The following FAM120B variants were observed in gnomAD, a reference collection of about 807,000 sequenced individuals.
The protein encoded by FAM120B is constitutive coactivator of peroxisome proliferator-activated receptor gamma.
FAM120B carries 83 observed loss-of-function variants against 96.3 expected under a neutral mutation model. The ratio of observed to expected loss-of-function variants is 0.86; its 90% confidence interval spans 0.72 to 1.03. FAM120B has a LOEUF of 1.03. Ranked by LOEUF, FAM120B falls within the 50% of genes least tolerant of loss-of-function variation. The pLI is 0.00. For missense variants in FAM120B, 1,027 were observed against 1,121.2 expected (o/e 0.92, Z 1.20); for synonymous variants, 407 against 402.7 (o/e 1.01, Z -0.13).
chr6:170,360,121 CT>C (rs1453611657), intron 6 of FAM120B, among the ~76,000 whole-genome samples: 1 of 152,238 alleles, frequency 6.6e-6, no homozygotes, highest in East Asian at 1.9e-4. Context: ...ACCCTGGGTC[CT>C]GTTCTCTGGT....
chr6:170,294,295 A>G (rs1280724618), upstream of FAM120B, among the ~76,000 whole-genome samples: 1 of 152,212 alleles, frequency 6.6e-6, no homozygotes, highest in Admixed American at 6.5e-5. This position sits in a 1 kb window ranked among gnomAD's most constrained non-coding sequence, Gnocchi z 7.9. Flanking sequence ...TTACTGTACA[A>G]AGTGAGGCTC....
intron 6 of FAM120B, among the ~76,000 whole-genome samples, chr6:170,383,975 T>C (rs1790056771): frequency 6.6e-6 from 1 of 152,202 alleles, no homozygotes; most frequent in African/African-American, 2.4e-5. Context: ...GGTGAGTGGC[T>C]GACGCTTGGA....
In FAM120B at chr6:170,318,127, G is replaced by C. The variant is rs1562520414; in HGVS notation, c.737G>C (p.Cys246Ser). 6.2e-7 allele frequency: 1 copy of C among 1,614,186 alleles called. No individual in the cohort carries two copies. Among genetic ancestry groups the C allele is most frequent in the Non-Finnish European group, 8.5e-7 (1 of 1,180,038 alleles). The change falls in exon 2 of 11, where the codon TGC (cysteine) becomes TCC (serine). Residue 246 changes from cysteine to serine, a missense_variant. By Grantham distance (112) the Cys-to-Ser change is moderately radical. Transcript: ENST00000476287. ...EGMFESFRYK[C>S]LSSYTSVKEN... ...ATGTTTGAAAGCTTTAGGTACAAAT[G>C]CTTATCGTCCTACACCTCTGTAAAA...
intron 6 of FAM120B, among the ~76,000 whole-genome samples, chr6:170,383,196 T>C (rs948227522): frequency 2.6e-4 from 40 of 152,216 alleles, no homozygotes; most frequent in South Asian, 1.0e-3. Flanking sequence ...ATAAAACTAT[T>C]ACACTTTTGG....
intron 7 of FAM120B, among the ~76,000 whole-genome samples, 192 bp downstream of exon 7, chr6:170,388,685 A>C (rs535342872): frequency 6.6e-6 from 1 of 152,342 alleles, no homozygotes; most frequent in Admixed American, 6.5e-5. Context: ...AATATCCCTT[A>C]TCTGAAATAC....
rs374893255 is a variant in FAM120B at position 170,331,812 on chromosome 6, A to G, written c.2017+1262A>G. Among the ~76,000 whole-genome samples the G allele has an allele frequency of 2.6e-5, 4 of 152,330 alleles. No individual in the cohort carries two copies. In the East Asian group the frequency reaches 7.7e-4, roughly 29 times the overall value. ...AGAGACTACTTCAGAGCTTGTGAAA[A>G]CATCCTCTGTTGCACTCCTAGAGTG... is the stretch of plus-strand genomic sequence containing the variant. On this transcript the variant is annotated intron_variant, in intron 4 of 10. Transcript: ENST00000476287.
intron 9 of FAM120B, among the ~76,000 whole-genome samples, chr6:170,396,476 A>C (rs1778172103): frequency 6.6e-6 from 1 of 152,188 alleles, no homozygotes; most frequent in African/African-American, 2.4e-5. Flanking sequence ...CATCCTTGAG[A>C]GAGAGCTCCA....
chr6:170,340,214 G>T (rs930202489), intron 4 of FAM120B, among the ~76,000 whole-genome samples: 1 of 151,914 alleles, frequency 6.6e-6, no homozygotes, highest in Non-Finnish European at 1.5e-5. Context: ...CTCTAATCTT[G>T]TCGTCATGCC....
rs1236803490 is a variant in FAM120B, at chr6:170,321,326, G to A, written c.1735-1753G>A. Among the ~76,000 whole-genome samples the A allele has an allele frequency of 2.0e-5, 3 of 152,246 alleles. No individual in the cohort carries two copies. The East Asian group carries it at 5.8e-4, about 29-fold the overall frequency. On this transcript the variant is annotated intron_variant, in intron 2 of 10. Transcript: ENST00000476287. ...GGCTGTGGGCACAACAGTTACATTG[G>A]ATACACGCATAACCACAGCCTTATA...
At chr6:170,400,780 G>A (rs1163931981) in intron 9 of FAM120B, among the ~76,000 whole-genome samples, 1 of 152,100 alleles carries the variant, frequency 6.6e-6, no homozygotes, top group Admixed American at 6.5e-5. Flanking sequence ...CCTCAGTATC[G>A]CTGTTCTTGC....
At chr6:170,380,617 C>T (rs1405588940) in intron 6 of FAM120B, among the ~76,000 whole-genome samples, 2 of 152,218 alleles carry the variant, frequency 1.3e-5, no homozygotes, top group Non-Finnish European at 2.9e-5. Context: ...GGACACCTTG[C>T]GTATGCCTGC....
At chr6:170,373,916 A>G (rs1211054888) in intron 6 of FAM120B, among the ~76,000 whole-genome samples, 1 of 152,214 alleles carries the variant, frequency 6.6e-6, no homozygotes, top group African/African-American at 2.4e-5. Flanking sequence ...ATGCAAACCC[A>G]GCATCCCAGA....
intron 1 of FAM120B, among the ~76,000 whole-genome samples, chr6:170,307,295 A>G (rs1784353781): frequency 6.6e-6 from 1 of 152,120 alleles, no homozygotes; most frequent in African/African-American, 2.4e-5. Flanking sequence ...CTTTTCTCCC[A>G]TCATCTGTGG....
At chr6:170,393,624 T>C (rs1790582251) in intron 8 of FAM120B, among the ~76,000 whole-genome samples, 1 of 152,234 alleles carries the variant, frequency 6.6e-6, no homozygotes, top group Admixed American at 6.5e-5. Context: ...CCCTTTTTTG[T>C]TCTCAAAGTA....
upstream of FAM120B, among the ~76,000 whole-genome samples, chr6:170,291,779 G>T (rs1301236170): frequency 1.1e-4 from 17 of 152,198 alleles, no homozygotes; most frequent in African/African-American, 4.1e-4. Flanking sequence ...GCCACTGGGA[G>T]TAGGGGCCCG....
At chr6:170,341,100 C>T (rs1437180972) in intron 4 of FAM120B, among the ~76,000 whole-genome samples, 1 of 152,360 alleles carries the variant, frequency 6.6e-6, no homozygotes, top group East Asian at 1.9e-4. Context: ...TGAAGCTGCA[C>T]CCACAGCAGC....
At chr6:170,345,682 G>T (rs1381389001) in intron 4 of FAM120B, among the ~76,000 whole-genome samples, 1 of 152,182 alleles carries the variant, frequency 6.6e-6, no homozygotes, top group African/African-American at 2.4e-5. Context: ...GATGGATCTT[G>T]TGTTTCTTCC....
chr6:170,391,976 T>C (rs902560263), intron 8 of FAM120B, among the ~76,000 whole-genome samples: 3 of 152,188 alleles, frequency 2.0e-5, no homozygotes, highest in Non-Finnish European at 2.9e-5. Flanking sequence ...CACTACTACA[T>C]AGCTTGTTCC....
rs143548106 is a variant in FAM120B at position 170,401,623 on chromosome 6, G to A, written c.2693-2927G>A. Among the ~76,000 whole-genome samples the A allele has an allele frequency of 2.9e-3, 435 of 152,294 alleles. 1 individual carries two copies. Among genetic ancestry groups the A allele is most frequent in the South Asian group, 5.2e-3 (25 of 4,824 alleles). On this transcript the variant is annotated intron_variant, in intron 9 of 10. Transcript: ENST00000476287. ...TTCTTACTTCTTTCTGCCTGTAATA[G>A]TATAAGCTACTGATAGGAAGCAGAA...
Sources: allele counts gnomAD v4.1 joint callset (sites outside exome capture counted in the v4.1 genomes callset), GRCh38; gene constraint gnomAD v4.1.1; non-coding constraint Gnocchi (gnomAD v3.1); transcripts MANE v1.5; gene names NCBI Gene and HGNC (gene_info 2026-07-23, HGNC 2026-07-21).